WWP2: variants seen among roughly 807,000 people sequenced by gnomAD.
WWP2 encodes NEDD4-like E3 ubiquitin-protein ligase WWP2.
A neutral mutation model predicts 121.0 loss-of-function variants in WWP2; 57 were observed. The observed-to-expected ratio is 0.47, with a 90% confidence interval of 0.38 to 0.59. WWP2 has a LOEUF of 0.59. Ranked by LOEUF, WWP2 falls within the 20% of genes least tolerant of loss-of-function variation. The probability of loss-of-function intolerance (pLI) is 0.00; values close to 1 mark genes in which losing one functional copy is unlikely to be tolerated. For synonymous variants in WWP2, 449 were observed against 441.3 expected, an observed-to-expected ratio of 1.02 and a Z score of -0.22; for missense variants, 962 against 1,158.9, an observed-to-expected ratio of 0.83 and a Z score of 2.47.
chr16:69,823,443 A>T (rs1347622274), intron 4 of WWP2, among the ~76,000 whole-genome samples: 3 of 151,290 alleles, frequency 2.0e-5, no homozygotes, highest in East Asian at 1.9e-4. Context: ...GTATTTACAA[A>T]TTTTTTGATT....
At position 69,940,114 on chromosome 16, in the gene WWP2, C is replaced by A. The variant is rs2152003838; in HGVS notation, c.*174C>A. 1.7e-6 allele frequency: 1 copy of A among 605,666 alleles called. No homozygotes were observed. Among genetic ancestry groups the A allele is most frequent in the South Asian group, 2.1e-5 (1 of 48,188 alleles). 37.5% of individuals were successfully genotyped at this position (605,666 alleles called of 1,614,324 possible). On this transcript the variant is annotated 3_prime_UTR_variant, in exon 24 of 24. Transcript: ENST00000359154. ...CCTGATCCCAGGAGGCCCTGCAGTT[C>A]CCCCGACCCGCGGATGGCAGTCTGG...
intron 6 of WWP2, among the ~76,000 whole-genome samples, chr16:69,844,648 A>G (rs1233426882): frequency 1.3e-5 from 2 of 152,198 alleles, no homozygotes; most frequent in Non-Finnish European, 2.9e-5. Flanking sequence ...TCGGTGTTGC[A>G]GCAGCCAGGC....
chr16:69,854,999 G>A (rs954527735), intron 6 of WWP2, among the ~76,000 whole-genome samples: 1 of 152,066 alleles, frequency 6.6e-6, no homozygotes, highest in Non-Finnish European at 1.5e-5. Context: ...GGGACTACAG[G>A]TGTGCACCAC....
chr16:69,831,955 A>G (rs2151859994), intron 4 of WWP2, among the ~76,000 whole-genome samples: 1 of 151,262 alleles, frequency 6.6e-6, no homozygotes, highest in East Asian at 1.9e-4. Context: ...CAGCCCCCCA[A>G]GTAGTTGGGA....
At chr16:69,828,292 C>T (rs751697149) in intron 4 of WWP2, among the ~76,000 whole-genome samples, 1 of 152,174 alleles carries the variant, frequency 6.6e-6, no homozygotes, top group African/African-American at 2.4e-5. Context: ...TCCCAGGAAC[C>T]CTTCTTGATC....
At chr16:69,816,994 A>G (rs2056505390) in intron 4 of WWP2, among the ~76,000 whole-genome samples, 1 of 152,206 alleles carries the variant, frequency 6.6e-6, no homozygotes, top group African/African-American at 2.4e-5. Flanking sequence ...GTCTCTGCCC[A>G]TAACCTCTAT....
intron 10 of WWP2, among the ~76,000 whole-genome samples, chr16:69,919,300 G>A (rs1224958216): frequency 1.0e-5 from 1 of 95,886 alleles, no homozygotes; most frequent in Non-Finnish European, 2.0e-5. Context: ...CAAGTACCTG[G>A]GATTACAGGC....
Position 69,888,223 on chromosome 16 carries a change from C to T in WWP2, c.888C>T (p.Ala296=). The change falls in exon 8 of 24, where the codon GCC becomes GCT. Residue 296 remains alanine, a synonymous_variant. Coordinates refer to ENST00000359154, the MANE Select transcript of WWP2 (RefSeq NM_001270454.2). ...GTACACAGCAGCTCCCAGCGGCTGCCCAGGCCCCCGACGCTCTGCCTGCTG... is the reference window on the plus strand; with the variant it reads ...GTACACAGCAGCTCCCAGCGGCTGCTCAGGCCCCCGACGCTCTGCCTGCTG... The part of the protein sequence containing the change: ...TSGTQQLPAA[A]QAPDALPAGW... The T allele has an allele frequency of 6.2e-7, 1 of 1,614,120 alleles. No homozygotes were observed. Among genetic ancestry groups the T allele is most frequent in the Non-Finnish European group, 8.5e-7 (1 of 1,180,016 alleles).
In WWP2 at chr16:69,935,940, C is replaced by G. The variant is rs1382282163; in HGVS notation, c.1930C>G (p.Leu644Val). The change falls in exon 18 of 24, where the codon CTG becomes GTG. Residue 644 changes from leucine to valine, a missense_variant. Transcript: ENST00000359154. The surrounding 1 kb of genome is among the most constrained non-coding windows in gnomAD (Gnocchi z 5.2). ...CAATAAGAGACCAACCCTGAAAGAC[C>G]TGGAGTCCATTGACCCTGAGTTCTA... Reference protein sequence around the residue: ...MLNKRPTLKDLESIDPEFYNS... With the variant: ...MLNKRPTLKDVESIDPEFYNS... 6.2e-7 allele frequency: 1 copy of G among 1,614,062 alleles called. No individual in the cohort carries two copies. Among genetic ancestry groups the G allele is most frequent in the Admixed American group, 1.7e-5 (1 of 60,008 alleles).
At chr16:69,868,333 T>C (rs532800673) in intron 6 of WWP2, among the ~76,000 whole-genome samples, 71 of 152,238 alleles carry the variant, frequency 4.7e-4, no homozygotes, top group Middle Eastern at 3.4e-3. Context: ...CTGAAAGTAT[T>C]CTCTCTCCAT....
intron 4 of WWP2, among the ~76,000 whole-genome samples, chr16:69,827,553 C>T (rs1179983644): frequency 6.6e-6 from 1 of 152,100 alleles, no homozygotes; most frequent in African/African-American, 2.4e-5. Flanking sequence ...TTTTTAAAAG[C>T]AGAATTGTAA....
chr16:69,892,550 T>C (rs931147882), intron 8 of WWP2, among the ~76,000 whole-genome samples: 2 of 152,254 alleles, frequency 1.3e-5, no homozygotes, highest in African/African-American at 4.8e-5. Flanking sequence ...TTTTCTTTTT[T>C]TGAGACATTG....
At chr16:69,800,574 T>C (rs1473655961) in intron 4 of WWP2, among the ~76,000 whole-genome samples, 1 of 151,608 alleles carries the variant, frequency 6.6e-6, no homozygotes. Context: ...TTTTCTTTTT[T>C]TTTTTTTTGA....
rs900654187 is a variant in WWP2, at chr16:69,850,399, AAAAT to A, written c.575+8280_575+8283del. ...GAGACTCCATCTCAAAAAAAAAAAA[AAAAT>A]GATGAAAAGTCAGGGTCCCTGACAT... is the stretch of plus-strand genomic sequence containing the variant. On this transcript the variant is annotated intron_variant, in intron 6 of 23. Coordinates refer to ENST00000359154, the MANE Select transcript of WWP2 (RefSeq NM_001270454.2). Among the ~76,000 whole-genome samples the A allele has an allele frequency of 4.6e-5, 7 of 151,520 alleles. 1 individual carries two copies. The highest frequency in any genetic ancestry group is 7.4e-5 in the Non-Finnish European group (5 of 67,912).
chr16:69,934,529 C>T (rs566491205), intron 17 of WWP2, among the ~76,000 whole-genome samples: 8 of 151,614 alleles, frequency 5.3e-5, no homozygotes, highest in Admixed American at 3.9e-4. Context: ...TAAATATGTG[C>T]TCTGTTGAGG....
At chr16:69,806,938 A>T (rs144622117) in intron 4 of WWP2, among the ~76,000 whole-genome samples, 22 of 141,114 alleles carry the variant, frequency 1.6e-4, no homozygotes, top group Non-Finnish European at 2.0e-4. Context: ...GATCTGTTTT[A>T]TTTATTTATT....
In WWP2 at chr16:69,813,540, G is replaced by A. The variant is rs556710046; in HGVS notation, c.340+14245G>A. On this transcript the variant is annotated intron_variant, in intron 4 of 23. Transcript: ENST00000359154. ...GTCACCCAGGCTGGAGTGCAGTAGC[G>A]CAATCTCAGCTTCCTGGGTTCAAGC... 9.2e-5 allele frequency among the ~76,000 whole-genome samples: 14 copies of A among 152,276 alleles called. No individual in the cohort carries two copies. The South Asian group carries it at 2.5e-3, about 27-fold the overall frequency.
intron 4 of WWP2, among the ~76,000 whole-genome samples, chr16:69,818,495 C>T (rs1377562171): frequency 1.3e-5 from 2 of 152,196 alleles, no homozygotes; most frequent in Non-Finnish European, 2.9e-5. Context: ...GTGTGAGCCA[C>T]GGCGCCTGAC....
chr16:69,858,208 T>G (rs536132579), intron 6 of WWP2, among the ~76,000 whole-genome samples: 213 of 152,250 alleles, frequency 1.4e-3, no homozygotes, highest in Non-Finnish European at 1.1e-3. Context: ...GAGGAGTTAT[T>G]TCTTCCACCT....
Sources: gnomAD v4.1 joint callset for allele counts (sites outside exome capture counted in the v4.1 genomes callset) on GRCh38, gnomAD v4.1.1 for gene constraint, Gnocchi (gnomAD v3.1) non-coding constraint, MANE v1.5 for transcripts, NCBI Gene and HGNC (gene_info 2026-07-23, HGNC 2026-07-21) for gene names.